Variants in TNS1 observed in about 807,000 individuals in gnomAD.
TNS1 encodes tensin-1.
In TNS1, 62 loss-of-function variants were observed where a neutral mutation model predicts 168.6. The ratio of observed to expected loss-of-function variants is 0.37; its 90% CI spans 0.30 to 0.45. The LOEUF (loss-of-function observed/expected upper bound fraction) is 0.45. Among genes scored for constraint, TNS1 ranks in the 20% least tolerant of loss-of-function variants. TNS1 has a pLI of 1.00. For missense variants in TNS1, 2,240 were observed against 2,339.4 expected, an observed-to-expected ratio of 0.96 and a Z score of 0.88; for synonymous variants, 934 against 933.2, an observed-to-expected ratio of 1.00 and a Z score of -0.02.
intron 22 of TNS1, among the ~76,000 whole-genome samples, chr2:217,828,230 T>C (rs1285988148): frequency 6.6e-6 from 1 of 152,186 alleles, no homozygotes; most frequent in Non-Finnish European, 1.5e-5. Context: ...CTCTGGAAGC[T>C]GCCCTGTTCT....
chr2:217,868,928 C>T (rs900328388), intron 18 of TNS1, among the ~76,000 whole-genome samples: 8 of 152,232 alleles, frequency 5.3e-5, no homozygotes, highest in Non-Finnish European at 8.8e-5. Context: ...GCTATGTGAG[C>T]TCAGTGACTC....
At chr2:217,994,559 C>T (rs557685672) in intron 1 of TNS1, among the ~76,000 whole-genome samples, 2 of 152,288 alleles carry the variant, frequency 1.3e-5, no homozygotes, top group East Asian at 1.9e-4. Context: ...TTTCCCAAAC[C>T]CTAGGGATAT....
chr2:217,817,439 C>G (rs12476660), intron 24 of TNS1, among the ~76,000 whole-genome samples: 39,268 of 152,090 alleles, frequency 0.26, 5,980 homozygotes, highest in Middle Eastern at 0.42. Context: ...AACAGTAATA[C>G]TATTCATTAT....
chr2:217,808,767 G>T, intron 30 of TNS1, 96 bp from the exon 31 acceptor site: 1 of 1,158,246 alleles, frequency 8.6e-7, no homozygotes, highest in Non-Finnish European at 1.3e-6. Context: ...TCCACCATCT[G>T]TGGCTATCGC....
chr2:217,848,262 G>C lies in TNS1; in HGVS notation c.2255C>G (p.Pro752Arg). 1 of 1,551,952 alleles carries C rather than the reference G, an allele frequency of 6.4e-7. No individual in the cohort carries two copies. The change falls in exon 19 of 33, where the codon CCC (proline) becomes CGC (arginine). Residue 752 changes from proline (P) to arginine (R), a missense_variant. Pro to Arg is a moderately radical substitution (Grantham distance 103). Coordinates refer to ENST00000682258, the MANE Select transcript of TNS1 (RefSeq NM_001387777.1). ...FRSQSFSEAE[P>R]QLPPAPVRGG... ...TCGGACCGGAGCTGGGGGCAGCTGG[G>C]GTTCAGCTTCCGAAAAGGATTGAGA...
intron 18 of TNS1, chr2:217,849,699 C>A (rs548529584): frequency 1.0e-6 from 1 of 985,332 alleles, no homozygotes; most frequent in African/African-American, 1.7e-5. Flanking sequence ...GTCTGGAGTT[C>A]CCACTCTGGA....
At chr2:218,004,114 C>A (rs1446918969), upstream of TNS1, among the ~76,000 whole-genome samples, 1 of 152,200 alleles carries the variant, frequency 6.6e-6, no homozygotes, top group Non-Finnish European at 1.5e-5. Context: ...CAGTGAATCA[C>A]CCGCTCTGTT....
chr2:217,974,625 T>A (rs1260621159), intron 3 of TNS1, among the ~76,000 whole-genome samples: 1 of 152,190 alleles, frequency 6.6e-6, no homozygotes, highest in African/African-American at 2.4e-5. Flanking sequence ...CACGTCCAAG[T>A]GGCAGAGAGC....
rs559943749 is a variant in TNS1, at chr2:217,983,695, G to A, written c.149-4893C>T. On this transcript the variant is annotated intron_variant, in intron 2 of 32. Transcript: ENST00000682258. ...ATAGCCTCAGTGTGCACCTGACCCC[G>A]GCGATAACCACTCGCATGCCCGGTC... Among the ~76,000 whole-genome samples, 12 of 152,286 alleles carry A rather than the reference G, an allele frequency of 7.9e-5. No individual in the cohort carries two copies. The East Asian group carries it at 1.7e-3, about 22-fold the overall frequency.
chr2:217,875,309 C>A (rs1325987402), intron 18 of TNS1, among the ~76,000 whole-genome samples: 1 of 152,184 alleles, frequency 6.6e-6, no homozygotes, highest in Non-Finnish European at 1.5e-5. Context: ...CCTCTCCTGA[C>A]TGATAGAACC....
intron 3 of TNS1, among the ~76,000 whole-genome samples, chr2:217,959,374 A>ATCTTAGCATGGAACCTGGTG (rs1208251667): frequency 6.6e-6 from 1 of 150,608 alleles, no homozygotes; most frequent in African/African-American, 2.4e-5. Flanking sequence ...GGAACCTGGT[A>ATCTTAGCATGGAACCTGGTG]TCTTAGCATG....
At chr2:217,927,869 C>T (rs1956114976) in intron 3 of TNS1, among the ~76,000 whole-genome samples, 1 of 152,218 alleles carries the variant, frequency 6.6e-6, no homozygotes, top group African/African-American at 2.4e-5. Flanking sequence ...GAGCCCTGTT[C>T]TCTGAAATGA....
chr2:217,913,218 C>T (rs1355844552), intron 4 of TNS1, among the ~76,000 whole-genome samples: 4 of 152,180 alleles, frequency 2.6e-5, no homozygotes, highest in Admixed American at 2.6e-4. Context: ...AGGCCCAGGC[C>T]ACCAGAGGAA....
intron 3 of TNS1, among the ~76,000 whole-genome samples, chr2:217,938,884 C>G (rs1330025315): frequency 3.3e-5 from 5 of 152,114 alleles, no homozygotes; most frequent in Non-Finnish European, 5.9e-5. Context: ...CAGAGAGAGA[C>G]AGAGTGGGGG....
At chr2:217,959,218 A>C (rs892159231) in intron 3 of TNS1, among the ~76,000 whole-genome samples, 13 of 152,306 alleles carry the variant, frequency 8.5e-5, no homozygotes, top group African/African-American at 2.9e-4. Context: ...TCCTGCTAAA[A>C]CTGGAATGGT....
At position 217,893,476 on chromosome 2, in the gene TNS1, T is replaced by C. The variant is rs773471674; in HGVS notation, c.680A>G (p.Asn227Ser). ...AACAACGACATTGTGAGGGTCTGCA[T>C]TGAGCCATGTGTCCATGGCCTTACA... The part of the protein sequence containing the change: ...SICKAMDTWL[N>S]ADPHNVVVLH... Residue 227 changes from asparagine (N) to serine (S), a missense_variant, in exon 10 of 33, where the codon AAT becomes AGT. Asn to Ser is a conservative substitution (Grantham distance 46). Coordinates refer to ENST00000682258, the MANE Select transcript of TNS1 (RefSeq NM_001387777.1). The C allele has an allele frequency of 3.4e-5, 55 of 1,612,498 alleles. No individual in the cohort carries two copies. Among genetic ancestry groups the C allele is most frequent in the Non-Finnish European group, 4.2e-5 (50 of 1,179,072 alleles).
intron 18 of TNS1, among the ~76,000 whole-genome samples, chr2:217,851,815 C>G (rs1277727219): frequency 2.0e-5 from 3 of 152,162 alleles, no homozygotes; most frequent in African/African-American, 7.2e-5. Flanking sequence ...CATGCCCACT[C>G]TCTCCAAAGA....
chr2:217,928,222 A>T (rs947326582), intron 3 of TNS1, among the ~76,000 whole-genome samples: 1 of 152,248 alleles, frequency 6.6e-6, no homozygotes, highest in African/African-American at 2.4e-5. Context: ...CTTGCCTGAA[A>T]GGGCCAGAGG....
rs76123349 is a variant in TNS1, at chr2:217,829,894, C to T, written c.3373+1561G>A. 2,157 of 1,612,838 alleles carry T rather than the reference C, an allele frequency of 1.3e-3. 25 individuals carry two copies. In the African/African-American group the frequency reaches 0.025, roughly 19 times the overall value. On this transcript the variant is annotated intron_variant, in intron 22 of 32. Transcript: ENST00000682258. Reference sequence around the variant, plus strand: ...CCCCTCATCTTCCTCTGAGGGAAGACGAGAAGAGAGGTGGGAGGAAGGAGA... The same window carrying T: ...CCCCTCATCTTCCTCTGAGGGAAGATGAGAAGAGAGGTGGGAGGAAGGAGA...
Sources: allele counts gnomAD v4.1 joint callset (sites outside exome capture counted in the v4.1 genomes callset), GRCh38; gene constraint gnomAD v4.1.1; transcripts MANE v1.5; gene names NCBI Gene and HGNC (gene_info 2026-07-23, HGNC 2026-07-21).